The following ESRRG variants were observed in gnomAD, a reference collection of about 807,000 sequenced individuals.
ESRRG encodes the protein estrogen-related receptor gamma.
ESRRG carries 13 observed loss-of-function variants against 44.0 expected under a neutral mutation model. The observed-to-expected ratio is 0.30, with a 90% CI of 0.19 to 0.47. The LOEUF (loss-of-function observed/expected upper bound fraction) is 0.47. Ranked by LOEUF, ESRRG falls within the 20% of genes least tolerant of loss-of-function variation. The pLI is 1.00. For synonymous variants in ESRRG, 215 were observed against 214.6 expected (o/e 1.00, Z -0.02); for missense variants, 395 against 580.6 (o/e 0.68, Z 3.29).
chr1:216,675,448 A>G (rs796214484), intron 2 of ESRRG, among the ~76,000 whole-genome samples: 4 of 152,310 alleles, frequency 2.6e-5, no homozygotes, highest in African/African-American at 9.6e-5. Flanking sequence ...AAAATATTTA[A>G]AAGGATTAGC....
intron 2 of ESRRG, among the ~76,000 whole-genome samples, chr1:216,659,143 A>C (rs2071577251): frequency 1.3e-5 from 2 of 152,160 alleles, no homozygotes; most frequent in African/African-American, 4.8e-5. Context: ...CTGAGGAAAA[A>C]GGAGAGAACT....
chr1:216,769,208 T>C (rs1356974091), intron 2 of ESRRG, among the ~76,000 whole-genome samples: 1 of 152,094 alleles, frequency 6.6e-6, no homozygotes, highest in African/African-American at 2.4e-5. Flanking sequence ...GAATGTTTGA[T>C]TAATGTCCCA....
chr1:217,034,122 A>C (rs1025965589), intron 1 of ESRRG, among the ~76,000 whole-genome samples: 1 of 152,186 alleles, frequency 6.6e-6, no homozygotes, highest in East Asian at 1.9e-4. Context: ...ATTTTATACA[A>C]TAGGACCTAC....
At chr1:216,860,165 T>TGAGACA (rs773333587) in intron 2 of ESRRG, among the ~76,000 whole-genome samples, 39 of 152,238 alleles carry the variant, frequency 2.6e-4, no homozygotes, top group Admixed American at 1.0e-3. Flanking sequence ...TTCATGAGGC[T>TGAGACA]GAGACAGAAG....
At chr1:216,566,330 T>C (rs1048753416) in intron 4 of ESRRG, among the ~76,000 whole-genome samples, 5 of 152,186 alleles carry the variant, frequency 3.3e-5, no homozygotes, top group African/African-American at 9.6e-5. Context: ...ACTAATTGGA[T>C]GGACTAAAGA....
intron 1 of ESRRG, among the ~76,000 whole-genome samples, chr1:217,042,935 T>C (rs1579977144): frequency 1.3e-5 from 2 of 152,234 alleles, no homozygotes; most frequent in South Asian, 2.1e-4. Flanking sequence ...CATAGTATGA[T>C]ACTGTCTTCT....
intron 1 of ESRRG, among the ~76,000 whole-genome samples, chr1:216,698,390 G>A (rs927477534): frequency 6.6e-6 from 1 of 151,808 alleles, no homozygotes; most frequent in African/African-American, 2.4e-5. Flanking sequence ...GTGGTGGGGG[G>A]CGCCTGTAGT....
chr1:216,957,691 G>A (rs547575740), intron 1 of ESRRG, among the ~76,000 whole-genome samples: 3 of 152,116 alleles, frequency 2.0e-5, no homozygotes, highest in Non-Finnish European at 4.4e-5. Flanking sequence ...ACAGCATCCC[G>A]ACTGGTTTCC....
At chr1:216,624,168 AGT>A (rs1302337895) in intron 3 of ESRRG, among the ~76,000 whole-genome samples, 1 of 152,168 alleles carries the variant, frequency 6.6e-6, no homozygotes, top group Non-Finnish European at 1.5e-5. Flanking sequence ...TAGGCAGGAG[AGT>A]GTTAGAGCTC....
In ESRRG at chr1:216,903,428, A is replaced by AGTGT. The variant is rs58137897; in HGVS notation, c.-14+36150_-14+36153dup. Among the ~76,000 whole-genome samples, 609 of 148,304 alleles carry AGTGT rather than the reference A, an allele frequency of 4.1e-3. 6 individuals are homozygous for AGTGT. The highest frequency in any genetic ancestry group is 0.014 in the African/African-American group (577 of 40,304). On this transcript the variant is annotated intron_variant, in intron 2 of 7. Coordinates refer to the ESRRG transcript ENST00000359162. ...ATATATGTGTGGTTGTGTGTGTTCAAGTGTGTGTGTGTGTGTGTGTGTGTG... is the reference window on the plus strand; with the variant it reads ...ATATATGTGTGGTTGTGTGTGTTCAAGTGTGTGTGTGTGTGTGTGTGTGTGTGTG...
chr1:216,556,374 A>G (rs1006263378), intron 5 of ESRRG, among the ~76,000 whole-genome samples: 1 of 152,218 alleles, frequency 6.6e-6, no homozygotes. Context: ...TTTATCGTTC[A>G]AAAGAGCTTA....
At position 217,074,875 on chromosome 1, in the gene ESRRG, C is replaced by A. The variant is rs1158919376; in HGVS notation, c.-106+14632G>T. Among the ~76,000 whole-genome samples the A allele has an allele frequency of 4.6e-5, 7 of 152,338 alleles. No homozygotes were observed. In the East Asian group the frequency reaches 1.4e-3, roughly 29 times the overall value. ...CTGTGATGTACAGTTGTCACTATGA[C>A]AGGACCAAACAATGGTGTGAATAGT... On this transcript the variant is annotated intron_variant, in intron 1 of 7. Transcript: ENST00000359162.
intron 2 of ESRRG, among the ~76,000 whole-genome samples, chr1:216,815,070 G>C (rs774810918): frequency 6.6e-6 from 1 of 152,134 alleles, no homozygotes; most frequent in Non-Finnish European, 1.5e-5. Context: ...ATAGATTAGC[G>C]GTTAGCATAA....
At chr1:216,605,324 A>G (rs1184117811) in intron 3 of ESRRG, among the ~76,000 whole-genome samples, 1 of 152,238 alleles carries the variant, frequency 6.6e-6, no homozygotes. Context: ...TACTTTCACA[A>G]TATGAGAAAA....
At chr1:216,565,832 C>G (rs939013631) in intron 4 of ESRRG, among the ~76,000 whole-genome samples, 8 of 152,064 alleles carry the variant, frequency 5.3e-5, no homozygotes, top group African/African-American at 1.7e-4. Context: ...AAACAACACC[C>G]CATACTTTTA....
intron 1 of ESRRG, among the ~76,000 whole-genome samples, chr1:217,012,525 A>G (rs2078774538): frequency 6.6e-6 from 1 of 152,170 alleles, no homozygotes; most frequent in Admixed American, 6.6e-5. Flanking sequence ...CGAGTTACTG[A>G]TAGCAAGAAA....
chr1:216,545,861 C>T (rs976997042), intron 5 of ESRRG, among the ~76,000 whole-genome samples: 22 of 152,068 alleles, frequency 1.4e-4, no homozygotes, highest in African/African-American at 4.8e-4. Context: ...ATGTACTGCT[C>T]GGTCACAGAG....
At chr1:216,665,557 G>A (rs1189560456) in intron 2 of ESRRG, among the ~76,000 whole-genome samples, 1 of 152,076 alleles carries the variant, frequency 6.6e-6, no homozygotes, top group Non-Finnish European at 1.5e-5. Flanking sequence ...GAAATGAGGA[G>A]TTGTTTCATG....
intron 1 of ESRRG, among the ~76,000 whole-genome samples, chr1:216,995,911 G>A (rs568630065): frequency 4.5e-4 from 68 of 152,028 alleles, no homozygotes; most frequent in Admixed American, 5.2e-4. Context: ...TCACTCCTAT[G>A]CACATAAAGA....
Sources: allele counts gnomAD v4.1 joint callset (sites outside exome capture counted in the v4.1 genomes callset), GRCh38; gene constraint gnomAD v4.1.1; transcripts MANE v1.5; gene names NCBI Gene and HGNC (gene_info 2026-07-23, HGNC 2026-07-21).